ADCY8: variants seen among roughly 807,000 people sequenced by gnomAD.
ADCY8 encodes adenylate cyclase 8.
A neutral mutation model predicts 119.7 loss-of-function variants in ADCY8; 51 were observed. The ratio of observed to expected loss-of-function variants is 0.43; its 90% CI spans 0.34 to 0.54. The LOEUF is 0.54. ADCY8 is among the 20% of genes least tolerant of loss of function. The pLI is 0.03. For synonymous variants in ADCY8, 665 were observed against 651.0 expected, an observed-to-expected ratio of 1.02 and a Z score of -0.33; for missense variants, 1,383 against 1,598.8, an observed-to-expected ratio of 0.87 and a Z score of 2.30.
At chr8:130,958,593 T>G (rs1216709307) in intron 2 of ADCY8, among the ~76,000 whole-genome samples, 1 of 152,200 alleles carries the variant, frequency 6.6e-6, no homozygotes, top group East Asian at 1.9e-4. Flanking sequence ...ACATCTTCCA[T>G]GGCAGCAGGC....
chr8:130,923,981 T>C (rs1820389026), intron 5 of ADCY8, among the ~76,000 whole-genome samples: 4 of 152,256 alleles, frequency 2.6e-5, no homozygotes, highest in Admixed American at 1.3e-4. Context: ...GCTAAAGTAT[T>C]AGAAATGTAC....
chr8:130,905,325 C>T lies in ADCY8; in HGVS notation c.1641-1283G>A, dbSNP rs558687681. Reference sequence around the variant, plus strand: ...TCTCTGGCTCTGTCACTTCAAAGCTCATTTTCTGACACTCCTCTAATATAG... The same window carrying T: ...TCTCTGGCTCTGTCACTTCAAAGCTTATTTTCTGACACTCCTCTAATATAG... On this transcript the variant is annotated intron_variant, in intron 6 of 17. Coordinates refer to ENST00000286355, the MANE Select transcript of ADCY8 (RefSeq NM_001115.3). 1.2e-3 allele frequency among the ~76,000 whole-genome samples: 182 copies of T among 152,302 alleles called. 1 individual carries two copies. Among genetic ancestry groups the T allele is most frequent in the Non-Finnish European group, 1.9e-3 (130 of 68,034 alleles).
chr8:130,909,911 T>A, intron 5 of ADCY8, 45 bp from the exon 6 acceptor site: 7 of 1,563,056 alleles, frequency 4.5e-6, no homozygotes, highest in Non-Finnish European at 6.1e-6. Context: ...AAGACCAGAG[T>A]GGGCATCGTT....
chr8:131,040,457 G>T lies in ADCY8; in HGVS notation c.-124C>A, dbSNP rs1228000394. 6.5e-6 allele frequency: 8 copies of T among 1,233,212 alleles called. No individual in the cohort carries two copies. Among genetic ancestry groups the T allele is most frequent in the Non-Finnish European group, 8.4e-6 (8 of 953,762 alleles). The allele number at this position is 1,233,212 out of a possible 1,614,324, so 76.4% of individuals were successfully genotyped here. A position where few individuals can be genotyped will look rare whatever the true frequency, so the allele number is the denominator to read the frequency against. ...GATCCTTTTTATCCTAGGCTGCCCCGTTGCAGGAGCCCTGCGCTAGGGCTC... is the reference window on the plus strand; with the variant it reads ...GATCCTTTTTATCCTAGGCTGCCCCTTTGCAGGAGCCCTGCGCTAGGGCTC... On this transcript the variant is annotated 5_prime_UTR_variant, in exon 1 of 18. Transcript: ENST00000286355.
rs1354226768 is a variant in ADCY8 at position 131,039,789 on chromosome 8, T to G, written c.545A>C (p.Glu182Ala). 4 of 1,613,992 alleles carry G rather than the reference T, an allele frequency of 2.5e-6. No homozygotes were observed. The Admixed American group carries it at 6.7e-5, about 27-fold the overall frequency. The change falls in exon 1 of 18, where the codon GAA (glutamate) becomes GCA (alanine). Residue 182 changes from glutamate (E) to alanine (A), a missense_variant. By Grantham distance (107) the Glu-to-Ala change is moderately radical. Coordinates refer to ENST00000286355, the MANE Select transcript of ADCY8 (RefSeq NM_001115.3). ...RYFLGQRRKS[E>A]VVMNVLDVLT... Reference sequence around the variant, plus strand: ...CACGTCCAGCACGTTCATCACCACTTCCGATTTGCGCCTTTGGCCCAAGAA... The same window carrying G: ...CACGTCCAGCACGTTCATCACCACTGCCGATTTGCGCCTTTGGCCCAAGAA...
At chr8:131,026,022 G>A (rs1379246405) in intron 1 of ADCY8, among the ~76,000 whole-genome samples, 1 of 152,198 alleles carries the variant, frequency 6.6e-6, no homozygotes, top group African/African-American at 2.4e-5. Context: ...GCAGCACACT[G>A]TGGTACTCCA....
chr8:130,874,055 C>A (rs1818465296), intron 8 of ADCY8, among the ~76,000 whole-genome samples: 1 of 151,980 alleles, frequency 6.6e-6, no homozygotes, highest in Non-Finnish European at 1.5e-5. Flanking sequence ...TGCCTGTAAT[C>A]CCAGTGCTTT....
chr8:130,950,762 C>T (rs528696566), intron 3 of ADCY8, among the ~76,000 whole-genome samples: 3 of 152,258 alleles, frequency 2.0e-5, no homozygotes, highest in African/African-American at 7.2e-5. Context: ...TTCAGTGGTG[C>T]GATCTCAGTT....
At chr8:130,913,849 T>C (rs1820051289) in intron 5 of ADCY8, among the ~76,000 whole-genome samples, 1 of 152,198 alleles carries the variant, frequency 6.6e-6, no homozygotes, top group African/African-American at 2.4e-5. Context: ...TCACAGACTT[T>C]AGTGCTAGAC....
intron 2 of ADCY8, among the ~76,000 whole-genome samples, chr8:130,961,761 A>G (rs1318556292): frequency 6.6e-6 from 1 of 152,136 alleles, no homozygotes; most frequent in African/African-American, 2.4e-5. Flanking sequence ...GCAGGTTCTA[A>G]GTAAATATTT....
At chr8:130,959,926 A>C (rs1261012864) in intron 2 of ADCY8, among the ~76,000 whole-genome samples, 2 of 152,174 alleles carry the variant, frequency 1.3e-5, no homozygotes, top group African/African-American at 2.4e-5. Flanking sequence ...GAAGCAACTA[A>C]AGTGTTTGGC....
intron 2 of ADCY8, among the ~76,000 whole-genome samples, chr8:130,973,114 C>T (rs759570217): frequency 2.0e-5 from 3 of 152,220 alleles, no homozygotes; most frequent in Non-Finnish European, 4.4e-5. Flanking sequence ...ACAGTATCTA[C>T]AATAAAATTC....
Position 131,039,632 on chromosome 8 carries a change from C to T in ADCY8, c.702G>A (p.Lys234=). The T allele has an allele frequency of 6.2e-7, 1 of 1,614,134 alleles. No homozygotes were observed. Among genetic ancestry groups the T allele is most frequent in the Non-Finnish European group, 8.5e-7 (1 of 1,180,020 alleles). ...GCAGGTACGTGTGGGAGGTGGTGTC[C>T]TTCCTGACCACCACCAGGGCGCAGA... is the stretch of plus-strand genomic sequence containing the variant. The part of the protein sequence containing the change: ...VVICALVVVR[K]DTTSHTYLQY... The change falls in exon 1 of 18, where the codon AAG becomes AAA. Residue 234 remains lysine, a synonymous_variant. Transcript: ENST00000286355.
chr8:130,851,198 G>A (rs1460360264), intron 9 of ADCY8, among the ~76,000 whole-genome samples: 1 of 152,148 alleles, frequency 6.6e-6, no homozygotes, highest in Non-Finnish European at 1.5e-5. Context: ...TCAGGGTACT[G>A]GGGCCAAAGA....
chr8:130,951,908 G>T lies in ADCY8; in HGVS notation c.1201C>A (p.Gln401Lys). 1.2e-6 allele frequency: 2 copies of T among 1,614,012 alleles called. No individual in the cohort carries two copies. The highest frequency in any genetic ancestry group is 1.7e-6 in the Non-Finnish European group (2 of 1,179,974). The change falls in exon 3 of 18, where the codon CAG becomes AAG. Residue 401 changes from glutamine to lysine, a missense_variant. Coordinates refer to ENST00000286355, the MANE Select transcript of ADCY8 (RefSeq NM_001115.3). The stretch of plus-strand genomic sequence containing the variant: ...CGATGGATGTAGATCCGATGGAACT[G>T]GTGCTGCAGGTGCTCATCTTCCACA... ...TNVEDEHLQH[Q>K]FHRIYIHRYE...
intron 1 of ADCY8, among the ~76,000 whole-genome samples, chr8:131,012,443 T>A (rs899792084): frequency 6.6e-6 from 1 of 152,164 alleles, no homozygotes; most frequent in African/African-American, 2.4e-5. Context: ...CTTCCTTTTT[T>A]AAATTTCCCC....
At chr8:130,827,368 C>T (rs936455086) in intron 12 of ADCY8, among the ~76,000 whole-genome samples, 2 of 152,148 alleles carry the variant, frequency 1.3e-5, no homozygotes, top group Admixed American at 1.3e-4. Flanking sequence ...AAGGAGCAGA[C>T]AAGATGGCAC....
intron 11 of ADCY8, among the ~76,000 whole-genome samples, chr8:130,844,350 C>T (rs1205611662): frequency 6.6e-6 from 1 of 152,154 alleles, no homozygotes; most frequent in African/African-American, 2.4e-5. Context: ...CATCTTCACT[C>T]TTTTTTAGCA....
At chr8:130,917,089 T>A (rs1180182408) in intron 5 of ADCY8, among the ~76,000 whole-genome samples, 2 of 152,226 alleles carry the variant, frequency 1.3e-5, no homozygotes, top group East Asian at 3.9e-4. Context: ...CCTATCAATA[T>A]TATAAATTTT....
Sources: allele counts gnomAD v4.1 joint callset (sites outside exome capture counted in the v4.1 genomes callset), GRCh38; gene constraint gnomAD v4.1.1; transcripts MANE v1.5; gene names NCBI Gene and HGNC (gene_info 2026-07-23, HGNC 2026-07-21).